QSOX2: variants seen among roughly 807,000 people sequenced by gnomAD.
QSOX2 encodes quiescin sulfhydryl oxidase 2.
QSOX2 carries 46 observed loss-of-function variants against 61.7 expected under a neutral mutation model. The observed-to-expected ratio is 0.75, with a 90% CI of 0.59 to 0.95. QSOX2 has a LOEUF of 0.95. Ranked by LOEUF, QSOX2 falls within the 40% of genes least tolerant of loss-of-function variation. The probability of loss-of-function intolerance (pLI) is 0.00; values close to 1 mark genes in which losing one functional copy is unlikely to be tolerated. For missense variants in QSOX2, 879 were observed against 918.9 expected, an observed-to-expected ratio of 0.96 and a Z score of 0.56; for synonymous variants, 383 against 388.4, an observed-to-expected ratio of 0.99 and a Z score of 0.16.
chr9:136,217,066 T>C (rs1005246285), intron 8 of QSOX2, among the ~76,000 whole-genome samples: 6 of 152,252 alleles, frequency 3.9e-5, no homozygotes, highest in Admixed American at 1.3e-4. Flanking sequence ...GGGGGCTTGC[T>C]GATTTATTCT....
chr9:136,234,094 G>C (rs541375532), intron 1 of QSOX2, among the ~76,000 whole-genome samples: 1 of 151,878 alleles, frequency 6.6e-6, no homozygotes, highest in East Asian at 1.9e-4. Flanking sequence ...AGGCCTTCAC[G>C]AGGCTCCACC....
At chr9:136,233,433 T>C (rs569588940) in intron 1 of QSOX2, among the ~76,000 whole-genome samples, 2 of 152,290 alleles carry the variant, frequency 1.3e-5, no homozygotes, top group East Asian at 3.9e-4. Flanking sequence ...CCTTTAGGGC[T>C]CATTACACAG....
chr9:136,211,536 A>C (rs114930030), intron 10 of QSOX2, 84 bp from the exon 11 acceptor site: 2 of 1,402,716 alleles, frequency 1.4e-6, no homozygotes, highest in African/African-American at 1.4e-5. Flanking sequence ...CTGGGGGGAA[A>C]CCGCTCCTGA....
chr9:136,216,092 G>A (rs143820224), intron 9 of QSOX2, among the ~76,000 whole-genome samples: 111 of 152,220 alleles, frequency 7.3e-4, no homozygotes, highest in African/African-American at 2.7e-3. Flanking sequence ...CAAGCAGCAC[G>A]CTGGGTTTAC....
rs1831775809 is a variant in QSOX2 at position 136,207,191 on chromosome 9, T to C, written c.*1537A>G. 6.6e-6 allele frequency: 1 copy of C among 152,308 alleles called. No individual in the cohort carries two copies. The highest frequency in any genetic ancestry group is 1.5e-5 in the Non-Finnish European group (1 of 68,034). 9.4% of individuals were successfully genotyped at this position (152,308 alleles called of 1,614,324 possible). On this transcript the variant is annotated 3_prime_UTR_variant, in exon 12 of 12. Transcript: ENST00000358701. ...CAGCCCAGCCATTCTGTGACAGTTG[T>C]TGAAAGAATCAGCTGTTGCCTTTTT...
Position 136,209,403 on chromosome 9 carries a change from A to G in QSOX2, c.1550-128T>C, listed in dbSNP as rs922268509. 1 of 1,505,184 alleles carries G rather than the reference A, an allele frequency of 6.6e-7. No homozygotes were observed. 93.2% of individuals were successfully genotyped at this position (1,505,184 alleles called of 1,614,324 possible). A position where few individuals can be genotyped will look rare whatever the true frequency, so the allele number is the denominator to read the frequency against. ...CACTGCCCTGGCCCAGGGTCCTGCCAGGCCTCCCTCCCTGCCCTTCCCACC... is the reference window on the plus strand; with the variant it reads ...CACTGCCCTGGCCCAGGGTCCTGCCGGGCCTCCCTCCCTGCCCTTCCCACC... On this transcript the variant is annotated intron_variant, in intron 11 of 11. Coordinates refer to ENST00000358701, the MANE Select transcript of QSOX2 (RefSeq NM_181701.4). This position sits in a 1 kb window ranked among gnomAD's most constrained non-coding sequence, Gnocchi z 5.6.
Position 136,245,722 on chromosome 9 carries a change from G to A in QSOX2, c.82C>T (p.Pro28Ser), listed in dbSNP as rs1830469081. ...PALRARRSPPPRAARLPRLLV... is the reference protein window; with the variant it reads ...PALRARRSPPSRAARLPRLLV... The stretch of plus-strand genomic sequence containing the variant: ...AGCCGCGGCAGCCGTGCGGCCCGCG[G>A]CGGGGGCGAGCGCCGGGCTCTCAGC... Residue 28 changes from proline (P) to serine (S), a missense_variant, in exon 1 of 12, where the codon CCG (proline) becomes TCG (serine). Physicochemically the swap from Pro to Ser is moderately conservative, Grantham distance 74. Coordinates refer to ENST00000358701, the MANE Select transcript of QSOX2 (RefSeq NM_181701.4). 2.6e-6 allele frequency: 3 copies of A among 1,139,670 alleles called. No homozygotes were observed. The highest frequency in any genetic ancestry group is 8.5e-5 in the South Asian group (2 of 23,564). The allele number at this position is 1,139,670 out of a possible 1,614,324, so 70.6% of individuals were successfully genotyped here. A position where few individuals can be genotyped will look rare whatever the true frequency, so the allele number is the denominator to read the frequency against.
chr9:136,217,030 G>T (rs563203309), intron 8 of QSOX2, among the ~76,000 whole-genome samples: 2 of 152,362 alleles, frequency 1.3e-5, no homozygotes, highest in South Asian at 4.1e-4. Flanking sequence ...GCAAGGTCAC[G>T]GTGTGTGACT....
At chr9:136,241,871 G>A (rs1830436041) in intron 1 of QSOX2, among the ~76,000 whole-genome samples, 1 of 152,238 alleles carries the variant, frequency 6.6e-6, no homozygotes, top group African/African-American at 2.4e-5. Flanking sequence ...AGATGGGAGG[G>A]AACAGGCACC....
rs775191096 is a variant in QSOX2, at chr9:136,208,745, G to A, written c.2080C>T (p.His694Tyr). 6.2e-7 allele frequency: 1 copy of A among 1,609,326 alleles called. No individual in the cohort carries two copies. The highest frequency in any genetic ancestry group is 1.1e-5 in the South Asian group (1 of 90,932). The change falls in exon 12 of 12, where the codon CAC becomes TAC. Residue 694 changes from histidine (H) to tyrosine (Y), a missense_variant. His to Tyr is a moderately conservative substitution (Grantham distance 83, BLOSUM62 2). Transcript: ENST00000358701. The stretch of plus-strand genomic sequence containing the variant: ...CCGGGCACTCACACGGCCGGGTGGT[G>A]GTGCTTGACCTTCCACCGCCTGGAC... ...VRSRRWKVKH[H>Y]HPAV
rs1352832702 is a variant in QSOX2, at chr9:136,222,639, C to A, written c.676-698G>T. Reference sequence around the variant, plus strand: ...AGCTGATCGCTACTCTGGGGCCACACTGGTCTCTGCTCTGGGCCATGCCGT... The same window carrying A: ...AGCTGATCGCTACTCTGGGGCCACAATGGTCTCTGCTCTGGGCCATGCCGT... On this transcript the variant is annotated intron_variant, in intron 5 of 11. Transcript: ENST00000358701. The surrounding 1 kb of genome is among the most constrained non-coding windows in gnomAD (Gnocchi z 6.9). Among the ~76,000 whole-genome samples the A allele has an allele frequency of 2.6e-5, 4 of 152,196 alleles. No individual in the cohort carries two copies. The highest frequency in any genetic ancestry group is 5.9e-5 in the Non-Finnish European group (4 of 68,030).
intron 1 of QSOX2, among the ~76,000 whole-genome samples, chr9:136,228,469 TG>T (rs1234934010): frequency 6.6e-6 from 1 of 152,244 alleles, no homozygotes. Flanking sequence ...AAAATTGCAC[TG>T]CCAACAATTC....
chr9:136,212,295 A>G (rs1208230617), intron 10 of QSOX2, among the ~76,000 whole-genome samples: 1 of 152,232 alleles, frequency 6.6e-6, no homozygotes, highest in African/African-American at 2.4e-5. Context: ...TTGAACGCAC[A>G]GATAGGAGAC....
At chr9:136,229,850 A>T (rs528144305) in intron 1 of QSOX2, among the ~76,000 whole-genome samples, 1 of 152,246 alleles carries the variant, frequency 6.6e-6, no homozygotes, top group Admixed American at 6.5e-5. Context: ...CATGTTTCCT[A>T]GTTTCTATCT....
intron 10 of QSOX2, among the ~76,000 whole-genome samples, chr9:136,214,835 TTCTG>T (rs1831889697): frequency 6.6e-6 from 1 of 152,230 alleles, no homozygotes; most frequent in African/African-American, 2.4e-5. Flanking sequence ...ATTTCACTTA[TTCTG>T]TCTTTTTAAA....
At chr9:136,232,165 T>C (rs1830337561) in intron 1 of QSOX2, among the ~76,000 whole-genome samples, 1 of 152,130 alleles carries the variant, frequency 6.6e-6, no homozygotes, top group Admixed American at 6.5e-5. Context: ...TTGACAGAAA[T>C]GTCGTTATCT....
intron 1 of QSOX2, among the ~76,000 whole-genome samples, chr9:136,241,117 G>A (rs1309541703): frequency 6.6e-6 from 1 of 152,218 alleles, no homozygotes; most frequent in South Asian, 2.1e-4. Flanking sequence ...GGGGAGGCCA[G>A]CGGGGAGCCC....
At chr9:136,211,152 G>A (rs1436828429) in intron 11 of QSOX2, 112 bp downstream of exon 11, 24 of 1,186,726 alleles carry the variant, frequency 2.0e-5, no homozygotes, top group Non-Finnish European at 2.6e-5. Flanking sequence ...TGGGTGGCAC[G>A]AGGCCGCAAA....
chr9:136,210,128 GA>G, intron 11 of QSOX2: 1 of 985,474 alleles, frequency 1.0e-6, no homozygotes, highest in Non-Finnish European at 1.2e-6. Context: ...TGCTGCACAC[GA>G]AGCCAGAGGG....
Sources: allele counts gnomAD v4.1 joint callset (sites outside exome capture counted in the v4.1 genomes callset), GRCh38; gene constraint gnomAD v4.1.1; non-coding constraint Gnocchi (gnomAD v3.1); transcripts MANE v1.5; gene names NCBI Gene and HGNC (gene_info 2026-07-23, HGNC 2026-07-21).